The following BRAP variants were observed in gnomAD, a reference collection of about 807,000 sequenced individuals.
The protein encoded by BRAP is BRCA1-associated protein.
BRAP carries 42 observed loss-of-function variants against 73.4 expected under a neutral mutation model. The observed-to-expected ratio is 0.57, with a 90% CI of 0.45 to 0.74. The LOEUF is 0.74. Ranked by LOEUF, BRAP falls within the 30% of genes least tolerant of loss-of-function variation. The probability of loss-of-function intolerance (pLI) is 0.00; values close to 1 mark genes in which losing one functional copy is unlikely to be tolerated. For synonymous variants in BRAP, 255 were observed against 267.4 expected (o/e 0.95, Z 0.45); for missense variants, 593 against 751.4 (o/e 0.79, Z 2.46).
chr12:111,654,317 CT>C (rs371816715), intron 10 of BRAP, among the ~76,000 whole-genome samples: 322 of 142,490 alleles, frequency 2.3e-3, no homozygotes, highest in Non-Finnish European at 2.1e-3. Flanking sequence ...TTAAAACTGA[CT>C]TTTTTTTTTT....
At chr12:111,681,061 GC>G (rs1887581565) in intron 3 of BRAP, among the ~76,000 whole-genome samples, 1 of 152,128 alleles carries the variant, frequency 6.6e-6, no homozygotes, top group African/African-American at 2.4e-5. Flanking sequence ...CACCTTCCAT[GC>G]CTATCTGCTA....
At position 111,642,838 on chromosome 12, in the gene BRAP, A is replaced by G. The variant is rs1053888599; in HGVS notation, c.*1361T>C. On this transcript the variant is annotated 3_prime_UTR_variant, in exon 12 of 12. Coordinates refer to ENST00000419234, the MANE Select transcript of BRAP (RefSeq NM_006768.5). ...GGGAAATGCTGCAGCACATCCCACA[A>G]AAACAGATGGTGATTAGTGATACAG... is the stretch of plus-strand genomic sequence containing the variant. 1 of 152,188 alleles carries G rather than the reference A, an allele frequency of 6.6e-6. No homozygotes were observed. Among genetic ancestry groups the G allele is most frequent in the Admixed American group, 6.6e-5 (1 of 15,258 alleles). 9.4% of individuals were successfully genotyped at this position (152,188 alleles called of 1,614,324 possible). A position where few individuals can be genotyped will look rare whatever the true frequency, so the allele number is the denominator to read the frequency against.
intron 11 of BRAP, among the ~76,000 whole-genome samples, chr12:111,646,672 G>A (rs995830035): frequency 2.0e-5 from 3 of 152,000 alleles, no homozygotes; most frequent in African/African-American, 7.2e-5. Context: ...ACTCGGGAGG[G>A]TGAGGCAGGA....
chr12:111,663,774 T>C (rs1422557079), intron 6 of BRAP, among the ~76,000 whole-genome samples: 1 of 152,176 alleles, frequency 6.6e-6, no homozygotes, highest in Non-Finnish European at 1.5e-5. Flanking sequence ...CACAGTTCTA[T>C]GCATGTACCA....
intron 10 of BRAP, among the ~76,000 whole-genome samples, chr12:111,654,716 A>G (rs941990725): frequency 2.6e-5 from 4 of 152,198 alleles, no homozygotes; most frequent in Non-Finnish European, 4.4e-5. Context: ...AAGCTCCAGG[A>G]TATTCCTAGC....
intron 5 of BRAP, chr12:111,669,830 C>A: frequency 1.7e-6 from 1 of 601,494 alleles, no homozygotes. Context: ...CCACCCCACA[C>A]CCCAATTTCA....
At chr12:111,657,061 G>A (rs1167338459) in intron 9 of BRAP, among the ~76,000 whole-genome samples, 6 of 151,814 alleles carry the variant, frequency 4.0e-5, no homozygotes, top group Non-Finnish European at 7.4e-5. Context: ...TTTCTTTTTG[G>A]AGACGGAGTT....
chr12:111,667,116 T>C (rs1214828238), intron 5 of BRAP, among the ~76,000 whole-genome samples: 1 of 152,168 alleles, frequency 6.6e-6, no homozygotes, highest in African/African-American at 2.4e-5. Flanking sequence ...GTTAAATTCA[T>C]GTATTTTGAT....
chr12:111,676,409 A>G (rs1199280537), intron 4 of BRAP, among the ~76,000 whole-genome samples: 1 of 151,734 alleles, frequency 6.6e-6, no homozygotes, highest in Non-Finnish European at 1.5e-5. Context: ...CTCAACTGTA[A>G]AATACATGGC....
Position 111,660,581 on chromosome 12 carries a change from TC to T in BRAP, c.972+18del, listed in dbSNP as rs771985692. 4.4e-6 allele frequency: 7 copies of T among 1,586,694 alleles called. No individual in the cohort carries two copies. In the South Asian group the frequency reaches 8.1e-5, roughly 18 times the overall value. On this transcript the variant is annotated intron_variant, in intron 7 of 11. Transcript: ENST00000419234. ...ATTAAAGCTGCATTCTTTGTTCTTT[TC>T]CATCACCCATTACTTACTTCCTGAA...
chr12:111,654,668 G>A (rs1032647018), intron 10 of BRAP, among the ~76,000 whole-genome samples: 4 of 152,076 alleles, frequency 2.6e-5, no homozygotes, highest in African/African-American at 9.7e-5. Flanking sequence ...GCCCACTTAC[G>A]GCATATCCAG....
chr12:111,655,454 G>T, intron 10 of BRAP, 112 bp downstream of exon 10: 1 of 835,200 alleles, frequency 1.2e-6, no homozygotes, highest in South Asian at 1.8e-5. Flanking sequence ...TTACCTGCCT[G>T]AGAAGGGAAG....
chr12:111,684,179 T>C (rs1887707885), intron 1 of BRAP, among the ~76,000 whole-genome samples: 1 of 152,156 alleles, frequency 6.6e-6, no homozygotes, highest in South Asian at 2.1e-4. Context: ...ACAAGGCCTG[T>C]TTTGCCCACC....
chr12:111,658,964 A>T (rs780560268), intron 8 of BRAP, 119 bp from the exon 9 acceptor site: 6 of 863,076 alleles, frequency 7.0e-6, no homozygotes, highest in Non-Finnish European at 1.0e-5. Flanking sequence ...TATTTCTTTA[A>T]AAGTGTCAAA....
intron 4 of BRAP, chr12:111,673,091 T>C: frequency 3.7e-6 from 1 of 268,920 alleles, no homozygotes; most frequent in South Asian, 1.0e-4. Flanking sequence ...AACATTTCCC[T>C]TAATAGCAGT....
chr12:111,667,601 G>A (rs1886993197), intron 5 of BRAP, among the ~76,000 whole-genome samples: 1 of 148,402 alleles, frequency 6.7e-6, no homozygotes, highest in Non-Finnish European at 1.5e-5. Flanking sequence ...TTGGGAGGAT[G>A]AGGCAGAGAA....
At chr12:111,681,602 A>AAT in intron 3 of BRAP, 35 bp downstream of exon 3, 16 of 1,476,230 alleles carry the variant, frequency 1.1e-5, no homozygotes, top group Non-Finnish European at 1.5e-5. Context: ...AAAAAAAAAA[A>AAT]TTGACTAACC....
In BRAP at chr12:111,644,087, C is replaced by A; in HGVS notation, c.*112G>T. 1 of 1,431,398 alleles carries A rather than the reference C, an allele frequency of 7.0e-7. No homozygotes were observed. Among genetic ancestry groups the A allele is most frequent in the Non-Finnish European group, 9.3e-7 (1 of 1,077,482 alleles). 88.7% of individuals were successfully genotyped at this position (1,431,398 alleles called of 1,614,324 possible). On this transcript the variant is annotated 3_prime_UTR_variant, in exon 12 of 12. Coordinates refer to ENST00000419234, the MANE Select transcript of BRAP (RefSeq NM_006768.5). The stretch of plus-strand genomic sequence containing the variant: ...AAATGAAAGAGCCAAACAACTGTGG[C>A]TTGATCCTCACTTGTACTTATTAGG...
chr12:111,670,438 G>T, intron 5 of BRAP: 2 of 284,820 alleles, frequency 7.0e-6, no homozygotes, highest in South Asian at 7.7e-5. Context: ...AATCTACTCA[G>T]AACTAACTTC....
Sources: allele counts gnomAD v4.1 joint callset (sites outside exome capture counted in the v4.1 genomes callset), GRCh38; gene constraint gnomAD v4.1.1; transcripts MANE v1.5; gene names NCBI Gene and HGNC (gene_info 2026-07-23, HGNC 2026-07-21).